GRIK1: variants seen among roughly 807,000 people sequenced by gnomAD.
GRIK1 encodes the protein glutamate ionotropic receptor kainate type subunit 1, also known as glutamate receptor ionotropic, kainate 1.
GRIK1 carries 69 observed loss-of-function variants against 105.7 expected under a neutral mutation model. The observed-to-expected ratio is 0.65, with a 90% CI of 0.54 to 0.80. The LOEUF is 0.80. GRIK1 is among the 30% of genes least tolerant of loss of function. The pLI is 0.00. For missense variants in GRIK1, 1,109 were observed against 1,167.3 expected, an observed-to-expected ratio of 0.95 and a Z score of 0.73; for synonymous variants, 438 against 431.3, an observed-to-expected ratio of 1.02 and a Z score of -0.19.
chr21:29,636,691 A>G (rs2062404019), intron 7 of GRIK1, among the ~76,000 whole-genome samples: 1 of 152,188 alleles, frequency 6.6e-6, no homozygotes, highest in Non-Finnish European at 1.5e-5. Context: ...CTCTTTATGA[A>G]TGGTGATCAC....
chr21:29,543,391 C>G (rs2090001224), intron 16 of GRIK1, among the ~76,000 whole-genome samples: 1 of 152,182 alleles, frequency 6.6e-6, no homozygotes. Flanking sequence ...AATTAATGAT[C>G]TAAGAGCAGA....
intron 4 of GRIK1, among the ~76,000 whole-genome samples, chr21:29,655,438 A>T (rs1444248430): frequency 6.6e-6 from 1 of 152,194 alleles, no homozygotes; most frequent in African/African-American, 2.4e-5. Flanking sequence ...GTACTAAACA[A>T]ATTTTGTATT....
chr21:29,544,867 C>G (rs1387345941), intron 16 of GRIK1, among the ~76,000 whole-genome samples: 2 of 152,208 alleles, frequency 1.3e-5, no homozygotes, highest in Non-Finnish European at 2.9e-5. Context: ...TGACCAAAGC[C>G]TAGATGCCAA....
chr21:29,644,949 A>G (rs115000774), intron 6 of GRIK1, among the ~76,000 whole-genome samples: 2 of 152,206 alleles, frequency 1.3e-5, no homozygotes, highest in African/African-American at 2.4e-5. Context: ...GGGATCCCCA[A>G]ACTCATGGGG....
intron 1 of GRIK1, among the ~76,000 whole-genome samples, chr21:29,889,561 C>G (rs987324258): frequency 6.6e-6 from 1 of 151,868 alleles, no homozygotes; most frequent in African/African-American, 2.4e-5. Context: ...ACACTATAGG[C>G]ATTTGACAGT....
At chr21:29,780,543 GT>G (rs2066066751) in intron 1 of GRIK1, among the ~76,000 whole-genome samples, 1 of 152,166 alleles carries the variant, frequency 6.6e-6, no homozygotes, top group Non-Finnish European at 1.5e-5. Context: ...CCTGCCTGAA[GT>G]AGCGGAGAAT....
intron 1 of GRIK1, among the ~76,000 whole-genome samples, chr21:29,818,387 C>G (rs940640344): frequency 2.0e-5 from 3 of 152,096 alleles, no homozygotes; most frequent in Non-Finnish European, 4.4e-5. Flanking sequence ...TCTAACTCTT[C>G]TAGATTCTTA....
intron 7 of GRIK1, among the ~76,000 whole-genome samples, chr21:29,620,926 A>G (rs2061986869): frequency 1.3e-5 from 2 of 148,870 alleles, no homozygotes; most frequent in Admixed American, 1.3e-4. Flanking sequence ...TCTATATTCT[A>G]TATATGCTCT....
chr21:29,737,694 A>G (rs952721688), intron 1 of GRIK1, among the ~76,000 whole-genome samples: 1 of 152,256 alleles, frequency 6.6e-6, no homozygotes, highest in African/African-American at 2.4e-5. Context: ...CCAAGCCTTT[A>G]ATTCAAGTTG....
intron 1 of GRIK1, among the ~76,000 whole-genome samples, chr21:29,742,357 A>C (rs2064951605): frequency 6.6e-6 from 1 of 152,238 alleles, no homozygotes; most frequent in African/African-American, 2.4e-5. Context: ...CAAACATAGA[A>C]GGATGTTAAA....
chr21:29,566,237 A>G lies in GRIK1; in HGVS notation c.2131-4388T>C, dbSNP rs1025501481. ...TCTCCTAAATCACTCTAAATAATAT[A>G]TGTTCCAAAAACAGAAATAGTGGTT... is the stretch of plus-strand genomic sequence containing the variant. On this transcript the variant is annotated intron_variant, in intron 14 of 17. Transcript: ENST00000327783. Among the ~76,000 whole-genome samples the G allele has an allele frequency of 2.0e-5, 3 of 152,202 alleles. No homozygotes were observed. The East Asian group carries it at 5.8e-4, about 29-fold the overall frequency.
intron 16 of GRIK1, among the ~76,000 whole-genome samples, chr21:29,541,548 C>T (rs1038025739): frequency 6.4e-5 from 9 of 140,138 alleles, no homozygotes; most frequent in African/African-American, 2.6e-4. Flanking sequence ...TATATTTTAA[C>T]TCTATGCCAT....
At chr21:29,686,924 AT>A (rs2063496202) in intron 3 of GRIK1, among the ~76,000 whole-genome samples, 1 of 152,182 alleles carries the variant, frequency 6.6e-6, no homozygotes, top group African/African-American at 2.4e-5. Context: ...GGGGAGGTCA[AT>A]GGGCAGCAAT....
intron 7 of GRIK1, among the ~76,000 whole-genome samples, chr21:29,620,122 A>C (rs895694590): frequency 2.0e-5 from 3 of 152,228 alleles, no homozygotes; most frequent in Non-Finnish European, 2.9e-5. Context: ...TATAAAGCCT[A>C]TGATGTTAAG....
intron 15 of GRIK1, among the ~76,000 whole-genome samples, chr21:29,556,924 ATAAACT>A (rs1184712447): frequency 5.3e-5 from 8 of 152,240 alleles, no homozygotes; most frequent in African/African-American, 1.4e-4. Flanking sequence ...ACCTATTAAG[ATAAACT>A]TAAGAGTAGG....
chr21:29,553,644 C>A, intron 16 of GRIK1: 1 of 1,608,212 alleles, frequency 6.2e-7, no homozygotes, highest in Non-Finnish European at 8.5e-7. Context: ...AAAGTAGTTC[C>A]AGAAGTGGAG....
chr21:29,614,713 C>G (rs978052744), intron 7 of GRIK1, among the ~76,000 whole-genome samples: 2 of 151,260 alleles, frequency 1.3e-5, no homozygotes, highest in African/African-American at 4.9e-5. Flanking sequence ...GCGCCCAGCC[C>G]CCACCTTTCT....
At chr21:29,711,552 A>G (rs1601510315) in intron 1 of GRIK1, among the ~76,000 whole-genome samples, 1 of 152,016 alleles carries the variant, frequency 6.6e-6, no homozygotes, top group East Asian at 1.9e-4. Flanking sequence ...TCTTTTTGAG[A>G]GATTAGCAGA....
chr21:29,774,310 T>C (rs1393625073), intron 1 of GRIK1, among the ~76,000 whole-genome samples: 2 of 152,172 alleles, frequency 1.3e-5, no homozygotes, highest in Admixed American at 1.3e-4. Flanking sequence ...AAATTCAGAC[T>C]GTTAGGAAAG....
Sources: gnomAD v4.1 joint callset for allele counts (sites outside exome capture counted in the v4.1 genomes callset) on GRCh38, gnomAD v4.1.1 for gene constraint, MANE v1.5 for transcripts, NCBI Gene and HGNC (gene_info 2026-07-23, HGNC 2026-07-21) for gene names.